ATRNL1: variants seen among roughly 807,000 people sequenced by gnomAD.
ATRNL1 encodes attractin-like protein 1.
Under a neutral mutation model 182.7 loss-of-function variants are expected in ATRNL1, and 95 were observed. That is an observed-to-expected ratio of 0.52 (90% CI 0.44 to 0.62). The LOEUF is 0.62. ATRNL1 is among the 20% of genes least tolerant of loss of function. The probability of loss-of-function intolerance (pLI) is 0.00; values close to 1 mark genes in which losing one functional copy is unlikely to be tolerated. For synonymous variants in ATRNL1, 576 were observed against 568.3 expected (o/e 1.01, Z -0.19); for missense variants, 1,471 against 1,679.5 (o/e 0.88, Z 2.17).
At chr10:115,520,422 G>A (rs939266765) in intron 25 of ATRNL1, among the ~76,000 whole-genome samples, 3 of 152,130 alleles carry the variant, frequency 2.0e-5, no homozygotes, top group African/African-American at 4.8e-5. Context: ...GGTCTTCATC[G>A]CATCTATGCA....
At chr10:115,633,043 C>G (rs1455287577) in intron 26 of ATRNL1, among the ~76,000 whole-genome samples, 2 of 152,134 alleles carry the variant, frequency 1.3e-5, no homozygotes, top group East Asian at 1.9e-4. Context: ...CAGGCATGCA[C>G]TGCCACACCC....
At chr10:115,302,697 A>C (rs1421517814) in intron 17 of ATRNL1, among the ~76,000 whole-genome samples, 1 of 152,150 alleles carries the variant, frequency 6.6e-6, no homozygotes, top group Non-Finnish European at 1.5e-5. Flanking sequence ...ATAAGGCTGC[A>C]CCTGAATGAA....
intron 26 of ATRNL1, among the ~76,000 whole-genome samples, chr10:115,598,350 A>ATTATTTATTTATTTATTTATTTATTTAT (rs35735636): frequency 7.5e-5 from 11 of 145,788 alleles, no homozygotes; most frequent in African/African-American, 2.6e-4. Context: ...ATTTAAAAAA[A>ATTATTTATTTATTTATTTATTTATTTAT]TTATTTATTT....
At chr10:115,414,904 A>G (rs1554960586) in intron 20 of ATRNL1, among the ~76,000 whole-genome samples, 1 of 152,016 alleles carries the variant, frequency 6.6e-6, no homozygotes, top group African/African-American at 2.4e-5. Context: ...GATGTATAGT[A>G]TTCCATTATG....
At chr10:115,761,027 T>G (rs1269978146) in intron 27 of ATRNL1, among the ~76,000 whole-genome samples, 1 of 152,110 alleles carries the variant, frequency 6.6e-6, no homozygotes, top group African/African-American at 2.4e-5. Context: ...TAGGCAGCCT[T>G]TCATGCTGCA....
rs1178553835 is a variant in ATRNL1 at position 115,637,596 on chromosome 10, T to TTTATCACTATTATTATTA, written c.3795+88064_3795+88065insCACTATTATTATTATTAT. 5.1e-5 allele frequency among the ~76,000 whole-genome samples: 5 copies of TTTATCACTATTATTATTA among 97,296 alleles called. No individual in the cohort carries two copies. In the East Asian group the frequency reaches 1.7e-3, roughly 34 times the overall value. The allele number at this position is 97,296 out of a possible 152,430, so 63.8% of individuals were successfully genotyped here. ...TAATTAAAAAGTAAGCTAAAGTCAATTTATTACTATTATTATTATTATTAT... is the reference window on the plus strand; with the variant it reads ...TAATTAAAAAGTAAGCTAAAGTCAATTTATCACTATTATTATTATTATTACTATTATTATTATTATTAT... On this transcript the variant is annotated intron_variant, in intron 26 of 28. Coordinates refer to ENST00000355044, the MANE Select transcript of ATRNL1 (RefSeq NM_207303.4).
intron 25 of ATRNL1, among the ~76,000 whole-genome samples, chr10:115,523,464 C>T (rs1321366159): frequency 1.3e-5 from 2 of 152,296 alleles, no homozygotes; most frequent in Admixed American, 6.5e-5. Flanking sequence ...GCCACATGGC[C>T]AGGCTGAGGA....
intron 2 of ATRNL1, among the ~76,000 whole-genome samples, chr10:115,121,285 G>C (rs1398939170): frequency 2.0e-5 from 3 of 152,074 alleles, no homozygotes; most frequent in African/African-American, 7.2e-5. Context: ...GCTAATTTTT[G>C]TATTTTCAGT....
In ATRNL1 at chr10:115,171,090, A is replaced by G. The variant is rs1847272000; in HGVS notation, c.1146A>G (p.Thr382=). Residue 382 remains threonine, a synonymous_variant, in exon 8 of 29, where the codon ACA becomes ACG. Coordinates refer to ENST00000355044, the MANE Select transcript of ATRNL1 (RefSeq NM_207303.4). ...TTGAAACAAATGATGGCAATGTCACAGATGAATTATGGGTTTTTAACATAC... is the reference window on the plus strand; with the variant it reads ...TTGAAACAAATGATGGCAATGTCACGGATGAATTATGGGTTTTTAACATAC... The part of the protein sequence containing the change: ...GRIETNDGNV[T]DELWVFNIHS... 1 of 1,591,558 alleles carries G rather than the reference A, an allele frequency of 6.3e-7. No homozygotes were observed. Among genetic ancestry groups the G allele is most frequent in the African/African-American group, 1.3e-5 (1 of 74,692 alleles).
Position 115,093,905 on chromosome 10 carries a change from C to G in ATRNL1, c.155C>G (p.Ala52Gly). ...CTGTGCTATGGCTTCCTCTACCTGG[C>G]GCTCTACGCGCAGGTGTCCCAGTCC... ...WLLCYGFLYLALYAQVSQSKP... is the reference protein window; with the variant it reads ...WLLCYGFLYLGLYAQVSQSKP... Residue 52 changes from alanine (A) to glycine (G), a missense_variant, in exon 1 of 29, where the codon GCG (alanine) becomes GGG (glycine). Around this residue, in one of 3 missense-constraint regions of ATRNL1, gnomAD observed 1,031 missense variants for 1,156.0 expected, o/e 0.89. Coordinates refer to ENST00000355044, the MANE Select transcript of ATRNL1 (RefSeq NM_207303.4). This position sits in a 1 kb window ranked among gnomAD's most constrained non-coding sequence, Gnocchi z 6.1. 6.3e-7 allele frequency: 1 copy of G among 1,597,634 alleles called. No individual in the cohort carries two copies.
chr10:115,679,770 G>C (rs1341998412), intron 26 of ATRNL1, among the ~76,000 whole-genome samples: 2 of 152,036 alleles, frequency 1.3e-5, no homozygotes, highest in Non-Finnish European at 2.9e-5. Flanking sequence ...ATTTCTTACT[G>C]TTTAGGGCCT....
intron 28 of ATRNL1, among the ~76,000 whole-genome samples, chr10:115,921,327 T>C (rs1953053787): frequency 1.4e-5 from 1 of 70,138 alleles, no homozygotes; most frequent in Admixed American, 1.8e-4. Flanking sequence ...ATTTAAGCAG[T>C]GTTTTTTTGT....
chr10:115,467,358 A>G, intron 23 of ATRNL1, 106 bp downstream of exon 23: 2 of 712,342 alleles, frequency 2.8e-6, no homozygotes, highest in Non-Finnish European at 4.5e-6. Flanking sequence ...AAAATGTTAT[A>G]TGACAGGATT....
chr10:115,453,746 A>G (rs569794466), intron 21 of ATRNL1, among the ~76,000 whole-genome samples: 1 of 141,760 alleles, frequency 7.1e-6, no homozygotes, highest in Non-Finnish European at 1.5e-5. Flanking sequence ...GAATTGAACA[A>G]TGAGAACACA....
intron 8 of ATRNL1, among the ~76,000 whole-genome samples, chr10:115,176,806 T>TA (rs1227154004): frequency 6.6e-6 from 1 of 152,148 alleles, no homozygotes; most frequent in African/African-American, 2.4e-5. Flanking sequence ...ACTCTTTTTT[T>TA]AAAAAAATTT....
At chr10:115,790,810 C>CACCT (rs1305583214) in intron 27 of ATRNL1, among the ~76,000 whole-genome samples, 1 of 152,042 alleles carries the variant, frequency 6.6e-6, no homozygotes, top group Non-Finnish European at 1.5e-5. Context: ...AATTAAAAGG[C>CACCT]ACCTATTTTC....
chr10:115,345,102 C>A (rs1855917133), intron 19 of ATRNL1, among the ~76,000 whole-genome samples: 1 of 152,240 alleles, frequency 6.6e-6, no homozygotes, highest in Non-Finnish European at 1.5e-5. Flanking sequence ...TTAGTCACCC[C>A]CTCTGCTGTC....
intron 1 of ATRNL1, among the ~76,000 whole-genome samples, chr10:115,115,925 G>A (rs1269742096): frequency 2.0e-5 from 3 of 152,032 alleles, no homozygotes; most frequent in Admixed American, 2.0e-4. Flanking sequence ...GGCCAACCTT[G>A]TGTTATAAAC....
At chr10:115,370,785 T>C (rs1228584174) in intron 19 of ATRNL1, among the ~76,000 whole-genome samples, 2 of 152,084 alleles carry the variant, frequency 1.3e-5, no homozygotes, top group African/African-American at 4.8e-5. Flanking sequence ...GCTGCAGAAA[T>C]TTGCATAAGT....
Sources: allele counts gnomAD v4.1 joint callset (sites outside exome capture counted in the v4.1 genomes callset), GRCh38; gene constraint gnomAD v4.1.1; regional missense constraint gnomAD v4.1.1; non-coding constraint Gnocchi (gnomAD v3.1); transcripts MANE v1.5; gene names NCBI Gene and HGNC (gene_info 2026-07-23, HGNC 2026-07-21).